The following PDE1C variants were observed in gnomAD, a reference collection of about 807,000 sequenced individuals.
PDE1C encodes dual specificity calcium/calmodulin-dependent 3',5'-cyclic nucleotide phosphodiesterase 1C.
In PDE1C, 62 loss-of-function variants were observed where a neutral mutation model predicts 93.1. That is an observed-to-expected ratio of 0.67 (90% CI 0.54 to 0.82). The LOEUF is 0.82. Among genes scored for constraint, PDE1C ranks in the 40% least tolerant of loss-of-function variants. The probability of loss-of-function intolerance (pLI) is 0.00; values close to 1 mark genes in which losing one functional copy is unlikely to be tolerated. For synonymous variants in PDE1C, 325 were observed against 310.1 expected, an observed-to-expected ratio of 1.05 and a Z score of -0.50; for missense variants, 742 against 884.6, an observed-to-expected ratio of 0.84 and a Z score of 2.04.
chr7:32,286,353 C>T (rs368509780), intron 1 of PDE1C, among the ~76,000 whole-genome samples: 1 of 152,180 alleles, frequency 6.6e-6, no homozygotes, highest in East Asian at 1.9e-4. Flanking sequence ...CTCTCCACTT[C>T]CCTGGATTAG....
At chr7:32,335,777 G>A (rs1783607434) in intron 1 of PDE1C, among the ~76,000 whole-genome samples, 1 of 152,054 alleles carries the variant, frequency 6.6e-6, no homozygotes, top group African/African-American at 2.4e-5. Flanking sequence ...CACCTAGGCT[G>A]GAGTGCAGTG....
At chr7:31,961,028 CTAAAGAAATAG>C (rs1007015875) in intron 2 of PDE1C, among the ~76,000 whole-genome samples, 7 of 152,094 alleles carry the variant, frequency 4.6e-5, no homozygotes, top group Admixed American at 4.6e-4. Flanking sequence ...CTGCCACCCT[CTAAAGAAATAG>C]TAAAGAAAGT....
chr7:32,150,227 G>A (rs1801157827), intron 3 of PDE1C, among the ~76,000 whole-genome samples: 1 of 152,192 alleles, frequency 6.6e-6, no homozygotes, highest in South Asian at 2.1e-4. Context: ...TCATTGTTGG[G>A]TGGCCTTACA....
Position 31,901,181 on chromosome 7 carries a change from C to A in PDE1C, c.129-20321G>T, listed in dbSNP as rs557166127. On this transcript the variant is annotated intron_variant, in intron 2 of 17. Coordinates refer to ENST00000396191, the MANE Select transcript of PDE1C (RefSeq NM_001191057.4). ...ACGAATTATAGTCAATGAAATAAGA[C>A]CAAAAAAGTAGGTAGAAGGAATGAA... Among the ~76,000 whole-genome samples the A allele has an allele frequency of 2.5e-3, 375 of 147,224 alleles. 3 individuals are homozygous for A. The highest frequency in any genetic ancestry group is 8.7e-3 in the African/African-American group (350 of 40,420).
At chr7:32,147,252 A>AAAAG (rs1390504043) in intron 3 of PDE1C, among the ~76,000 whole-genome samples, 1 of 80,392 alleles carries the variant, frequency 1.2e-5, no homozygotes, top group Admixed American at 1.3e-4. Flanking sequence ...AGAAAGAAAG[A>AAAAG]AAAGAAAGAA....
intron 2 of PDE1C, among the ~76,000 whole-genome samples, chr7:31,959,479 GC>G (rs1226728259): frequency 1.3e-5 from 2 of 152,160 alleles, no homozygotes; most frequent in Non-Finnish European, 1.5e-5. Flanking sequence ...CTCCCAAAGT[GC>G]TGGAATTACA....
chr7:32,359,833 G>T (rs755585263), intron 1 of PDE1C, among the ~76,000 whole-genome samples: 6 of 152,002 alleles, frequency 3.9e-5, no homozygotes, highest in Non-Finnish European at 7.4e-5. Flanking sequence ...CACCTGAAAT[G>T]CCTTCCTTCC....
chr7:32,167,612 G>A (rs1802382357), intron 3 of PDE1C, among the ~76,000 whole-genome samples: 2 of 152,132 alleles, frequency 1.3e-5, no homozygotes, highest in African/African-American at 4.8e-5. Flanking sequence ...AAGGCTGGGG[G>A]TCCCTGTGAA....
intron 1 of PDE1C, among the ~76,000 whole-genome samples, chr7:32,270,545 C>T (rs779010528): frequency 6.6e-6 from 1 of 152,150 alleles, no homozygotes; most frequent in Non-Finnish European, 1.5e-5. Context: ...CAGTGGCTTG[C>T]TGTGAGGAAA....
chr7:31,843,034 A>C (rs1189899155), intron 9 of PDE1C, among the ~76,000 whole-genome samples: 3 of 151,952 alleles, frequency 2.0e-5, no homozygotes, highest in Admixed American at 2.0e-4. Flanking sequence ...AATATACAGG[A>C]TTTTCCTAGA....
At chr7:31,992,865 C>A (rs1784298264) in intron 2 of PDE1C, among the ~76,000 whole-genome samples, 1 of 152,110 alleles carries the variant, frequency 6.6e-6, no homozygotes, top group Admixed American at 6.5e-5. Context: ...GGGTGGAAGA[C>A]ACTGCATAAA....
At chr7:32,071,517 T>G, upstream of PDE1C, 1 of 675,378 alleles carries the variant, frequency 1.5e-6, no homozygotes, top group Non-Finnish European at 1.8e-6. Context: ...CCCATCTCTC[T>G]CTCTTGTGCG....
the PDE1C span, chr7:31,692,310 A>G: frequency 4.2e-6 from 3 of 711,142 alleles, no homozygotes; most frequent in Non-Finnish European, 7.0e-6. Flanking sequence ...TTGGGAACAC[A>G]ATAGCAGGTG....
chr7:31,654,810 G>A, the PDE1C span, among the ~76,000 whole-genome samples: 2 of 152,132 alleles, frequency 1.3e-5, no homozygotes, highest in African/African-American at 4.8e-5. Flanking sequence ...TCACTTCTTA[G>A]CAAGTAACCT....
chr7:32,387,192 A>G (rs368583259), intron 1 of PDE1C, among the ~76,000 whole-genome samples: 1 of 151,650 alleles, frequency 6.6e-6, no homozygotes, highest in Admixed American at 6.6e-5. Context: ...AGGGTTGGGG[A>G]TAAGGTCACA....
At chr7:31,991,681 CCT>C (rs1293192158) in intron 2 of PDE1C, among the ~76,000 whole-genome samples, 1 of 152,120 alleles carries the variant, frequency 6.6e-6, no homozygotes, top group Non-Finnish European at 1.5e-5. Context: ...GAAAAAATGA[CCT>C]CTGTTGTAGG....
intron 2 of PDE1C, among the ~76,000 whole-genome samples, chr7:31,934,861 T>C (rs1180061701): frequency 6.6e-6 from 1 of 152,080 alleles, no homozygotes; most frequent in Non-Finnish European, 1.5e-5. Context: ...AAAATATAGT[T>C]CTACAAAAAA....
At chr7:31,643,131 C>T in the PDE1C span, 3 of 1,613,922 alleles carry the variant, frequency 1.9e-6, 1 homozygote, top group Admixed American at 5.0e-5. Flanking sequence ...AGGGAGCTGG[C>T]AAAGTGCAAA....
the PDE1C span, among the ~76,000 whole-genome samples, chr7:31,623,554 AC>A: frequency 1.7e-4 from 26 of 151,522 alleles, no homozygotes; most frequent in Admixed American, 2.0e-4. Flanking sequence ...AAATTCAACA[AC>A]CCTTCATACT....
Sources: allele counts gnomAD v4.1 joint callset (sites outside exome capture counted in the v4.1 genomes callset), GRCh38; gene constraint gnomAD v4.1.1; transcripts MANE v1.5; gene names NCBI Gene and HGNC (gene_info 2026-07-23, HGNC 2026-07-21).